The following RAD18 variants were observed in gnomAD, a reference collection of about 807,000 sequenced individuals.
The protein encoded by RAD18 is RAD18 E3 ubiquitin protein ligase.
In RAD18, 47 loss-of-function variants were observed where a neutral mutation model predicts 60.4. The ratio of observed to expected loss-of-function variants is 0.78; its 90% CI spans 0.62 to 0.99. The LOEUF (loss-of-function observed/expected upper bound fraction) is 0.99, where lower values mean the gene tolerates loss of function less well. RAD18 is among the 50% of genes least tolerant of loss of function. The pLI is 0.00. For synonymous variants in RAD18, 225 were observed against 195.5 expected (o/e 1.15, Z -1.26); for missense variants, 640 against 593.3 (o/e 1.08, Z -0.82).
At position 8,893,121 on chromosome 3, in the gene RAD18, G is replaced by A. The variant is rs540790309; in HGVS notation, c.1323-2670C>T. Among the ~76,000 whole-genome samples the A allele has an allele frequency of 1.6e-4, 24 of 152,228 alleles. No homozygotes were observed. In the South Asian group the frequency reaches 3.7e-3, roughly 24 times the overall value. ...CTCAGCACCATGCTCCAATTTGCCCGAGAAAACCTGATTACTATGTGCTCT... is the reference window on the plus strand; with the variant it reads ...CTCAGCACCATGCTCCAATTTGCCCAAGAAAACCTGATTACTATGTGCTCT... On this transcript the variant is annotated intron_variant, in intron 11 of 12. Coordinates refer to ENST00000264926, the MANE Select transcript of RAD18 (RefSeq NM_020165.4).
intron 7 of RAD18, among the ~76,000 whole-genome samples, chr3:8,923,284 C>T (rs533608739): frequency 2.3e-4 from 35 of 152,138 alleles, no homozygotes; most frequent in Middle Eastern, 3.4e-3. Context: ...CCTCAGTAGC[C>T]GATTCGATCA....
chr3:8,919,538 G>A (rs558227994), intron 7 of RAD18, among the ~76,000 whole-genome samples: 6 of 152,318 alleles, frequency 3.9e-5, no homozygotes, highest in Admixed American at 3.9e-4. Flanking sequence ...CTTGAAACAT[G>A]TAAGTGTACA....
intron 12 of RAD18, among the ~76,000 whole-genome samples, chr3:8,881,761 C>T (rs571509106): frequency 6.6e-6 from 1 of 152,276 alleles, no homozygotes; most frequent in South Asian, 2.1e-4. Context: ...CTGCTCCCAT[C>T]CTAACAAGAA....
chr3:8,919,719 G>A (rs1320934164), intron 7 of RAD18, among the ~76,000 whole-genome samples: 1 of 152,192 alleles, frequency 6.6e-6, no homozygotes, highest in African/African-American at 2.4e-5. Context: ...GCCATATCTT[G>A]GTTTCACCAA....
Position 8,935,896 on chromosome 3 carries a change from T to C in RAD18, c.864A>G (p.Gln288=), listed in dbSNP as rs192427631. ...HQEFVHMYNA[Q]CDALHPKSAA... is the part of the protein sequence containing the mutation. ...CTGATTTAGGATGCAAAGCATCGCA[T>C]TGGGCATTGTACATGTGTACAAATT... Residue 288 remains glutamine, a synonymous_variant, in exon 7 of 13, where the codon CAA becomes CAG. Transcript: ENST00000264926. 173 of 1,599,898 alleles carry C rather than the reference T, an allele frequency of 1.1e-4. 3 individuals are homozygous for C. The Middle Eastern group carries it at 1.4e-3, about 13-fold the overall frequency.
At chr3:8,912,108 A>G (rs1940113816) in intron 9 of RAD18, among the ~76,000 whole-genome samples, 1 of 152,194 alleles carries the variant, frequency 6.6e-6, no homozygotes, top group African/African-American at 2.4e-5. Flanking sequence ...TCAAAGTAGA[A>G]TGCTAGTCAT....
At chr3:8,886,355 CTGTT>C (rs1939565912) in intron 12 of RAD18, among the ~76,000 whole-genome samples, 1 of 152,262 alleles carries the variant, frequency 6.6e-6, no homozygotes, top group South Asian at 2.1e-4. Context: ...TGGCCAGGGA[CTGTT>C]TTTAAGGTTT....
intron 7 of RAD18, among the ~76,000 whole-genome samples, chr3:8,930,711 G>A (rs528887353): frequency 6.6e-6 from 1 of 152,100 alleles, no homozygotes; most frequent in African/African-American, 2.4e-5. Flanking sequence ...GGGAAGAAAT[G>A]TCCTCAACCT....
At chr3:8,910,196 T>A (rs549628539) in intron 9 of RAD18, among the ~76,000 whole-genome samples, 1 of 152,204 alleles carries the variant, frequency 6.6e-6, no homozygotes, top group Non-Finnish European at 1.5e-5. Context: ...TAATGAGTTA[T>A]AATCAATGTG....
chr3:8,896,425 C>CAAA (rs58427885), intron 11 of RAD18, among the ~76,000 whole-genome samples: 2 of 151,608 alleles, frequency 1.3e-5, no homozygotes, highest in Non-Finnish European at 2.9e-5. Flanking sequence ...TGGAGAACAG[C>CAAA]AAAAAAAAGC....
At chr3:8,922,405 T>G (rs975878106) in intron 7 of RAD18, among the ~76,000 whole-genome samples, 5 of 152,046 alleles carry the variant, frequency 3.3e-5, no homozygotes, top group African/African-American at 1.2e-4. Flanking sequence ...TGCCTGCCAT[T>G]GCTGGAGGCT....
rs1335490429 is a variant in RAD18 at position 8,880,726 on chromosome 3, T to A, written c.*631A>T. ...TATGCGCAATGTTTCTAAGTTATTG[T>A]GACTTTGTGACTGTCGTAGCTTTAA... On this transcript the variant is annotated 3_prime_UTR_variant, in exon 13 of 13. Coordinates refer to ENST00000264926, the MANE Select transcript of RAD18 (RefSeq NM_020165.4). The A allele has an allele frequency of 1.3e-5, 2 of 152,246 alleles. No individual in the cohort carries two copies. The highest frequency in any genetic ancestry group is 2.9e-5 in the Non-Finnish European group (2 of 68,048). The allele number at this position is 152,246 out of a possible 1,614,324, so 9.4% of individuals were successfully genotyped here.
At chr3:8,950,707 C>T (rs1438504545) in intron 2 of RAD18, among the ~76,000 whole-genome samples, 1 of 152,086 alleles carries the variant, frequency 6.6e-6, no homozygotes, top group East Asian at 1.9e-4. Flanking sequence ...GTCAGATATA[C>T]CAGAAATGTT....
chr3:8,942,829 C>T (rs757510937), intron 4 of RAD18, among the ~76,000 whole-genome samples: 1 of 152,168 alleles, frequency 6.6e-6, no homozygotes, highest in African/African-American at 2.4e-5. Context: ...CAGGGCTGCA[C>T]ATGATTAGAC....
Position 8,963,447 on chromosome 3 carries a change from C to T in RAD18, c.-62G>A. On this transcript the variant is annotated 5_prime_UTR_variant, in exon 1 of 13. Transcript: ENST00000264926. The stretch of plus-strand genomic sequence containing the variant: ...TAGCCTCCGGCGCTCCAACACCACT[C>T]GAAATTCCCCGCGCTACCGCATTAC... 1.4e-6 allele frequency: 2 copies of T among 1,436,282 alleles called. No homozygotes were observed. Among genetic ancestry groups the T allele is most frequent in the South Asian group, 2.5e-5 (2 of 80,384 alleles). The allele number at this position is 1,436,282 out of a possible 1,614,324, so 89.0% of individuals were successfully genotyped here. A position where few individuals can be genotyped will look rare whatever the true frequency, so the allele number is the denominator to read the frequency against.
rs554461374 is a variant in RAD18 at position 8,877,893 on chromosome 3, C to G, written c.*3464G>C. ...AAGAGAGAGGAAGCAAATTTTTGCACAGGACGCTGTGGTCCGGGTGATAGT... is the reference window on the plus strand; with the variant it reads ...AAGAGAGAGGAAGCAAATTTTTGCAGAGGACGCTGTGGTCCGGGTGATAGT... On this transcript the variant is annotated 3_prime_UTR_variant, in exon 13 of 13. Transcript: ENST00000264926. 2.6e-5 allele frequency: 4 copies of G among 152,214 alleles called. No homozygotes were observed. The highest frequency in any genetic ancestry group is 5.9e-5 in the Non-Finnish European group (4 of 68,070). 9.4% of individuals were successfully genotyped at this position (152,214 alleles called of 1,614,324 possible).
At chr3:8,890,312 T>C in intron 12 of RAD18, 77 bp downstream of exon 12, 7 of 1,156,850 alleles carry the variant, frequency 6.1e-6, no homozygotes, top group Non-Finnish European at 3.9e-6. Flanking sequence ...AATATAATTT[T>C]GTTTGAAAAT....
At chr3:8,940,235 G>A (rs1940724636) in intron 5 of RAD18, among the ~76,000 whole-genome samples, 1 of 151,926 alleles carries the variant, frequency 6.6e-6, no homozygotes, top group Non-Finnish European at 1.5e-5. Flanking sequence ...GGTATCTCGG[G>A]GCCTACAGAC....
intron 3 of RAD18, among the ~76,000 whole-genome samples, chr3:8,947,522 A>C (rs1940857426): frequency 6.6e-6 from 1 of 152,176 alleles, no homozygotes; most frequent in Non-Finnish European, 1.5e-5. Context: ...CTTCTCTTAT[A>C]ATCATATATA....
Sources: allele counts gnomAD v4.1 joint callset (sites outside exome capture counted in the v4.1 genomes callset), GRCh38; gene constraint gnomAD v4.1.1; transcripts MANE v1.5; gene names NCBI Gene and HGNC (gene_info 2026-07-23, HGNC 2026-07-21).